The following CACNA2D3 variants were observed in gnomAD, a reference collection of about 807,000 sequenced individuals.
The protein encoded by CACNA2D3 is voltage-dependent calcium channel subunit alpha-2/delta-3.
Under a neutral mutation model 160.6 loss-of-function variants are expected in CACNA2D3, and 60 were observed. The ratio of observed to expected loss-of-function variants is 0.37; its 90% CI spans 0.30 to 0.46. The LOEUF (loss-of-function observed/expected upper bound fraction) is 0.46, where lower values mean the gene tolerates loss of function less well. CACNA2D3 is among the 20% of genes least tolerant of loss of function. The pLI, the probability that CACNA2D3 is intolerant of heterozygous loss-of-function variation, is 1.00. For missense variants in CACNA2D3, 1,205 were observed against 1,365.0 expected (o/e 0.88, Z 1.85); for synonymous variants, 558 against 492.9 (o/e 1.13, Z -1.75).
chr3:54,792,089 C>G (rs1702769132), intron 13 of CACNA2D3, among the ~76,000 whole-genome samples: 1 of 152,146 alleles, frequency 6.6e-6, no homozygotes, highest in Non-Finnish European at 1.5e-5. Flanking sequence ...CTGGTTAGTT[C>G]CCTGAATATC....
At chr3:54,707,223 ATCTAATTGGCCATGGTCCAG>A (rs1313137250) in intron 11 of CACNA2D3, among the ~76,000 whole-genome samples, 2 of 152,208 alleles carry the variant, frequency 1.3e-5, no homozygotes, top group Admixed American at 6.5e-5. Flanking sequence ...ATGAATTCAG[ATCTAATTGGCCATGGTCCAG>A]TCTAGTTCTA....
At chr3:54,965,823 T>A (rs1230279340) in intron 27 of CACNA2D3, among the ~76,000 whole-genome samples, 1 of 152,044 alleles carries the variant, frequency 6.6e-6, no homozygotes, top group African/African-American at 2.4e-5. Context: ...CCAGGAGCCT[T>A]TGGGCAACAA....
rs371907159 is a variant in CACNA2D3 at position 54,752,607 on chromosome 3, C to T, written c.1176C>T (p.Ile392=). 6.2e-7 allele frequency: 1 copy of T among 1,613,240 alleles called. No homozygotes were observed. The highest frequency in any genetic ancestry group is 8.5e-7 in the Non-Finnish European group (1 of 1,179,580). ...GTTTGTCTTCCCTTCAGGTTCGCAT[C>T]TTCACATACCTCATTGGACGAGAGG... The part of the protein sequence containing the change: ...KYNWPDRKVR[I]FTYLIGREAA... The change falls in exon 12 of 38, where the codon ATC becomes ATT. Residue 392 remains isoleucine (I), a synonymous_variant. Coordinates refer to ENST00000474759, the MANE Select transcript of CACNA2D3 (RefSeq NM_018398.3).
At chr3:54,551,172 AGACTTCTTTT>A (rs541736881) in intron 5 of CACNA2D3, among the ~76,000 whole-genome samples, 154 of 152,168 alleles carry the variant, frequency 1.0e-3, no homozygotes, top group African/African-American at 3.6e-3. Context: ...CCAGGCACTT[AGACTTCTTTT>A]GGCTCTGCCA....
chr3:54,779,646 C>G (rs1702495367), intron 13 of CACNA2D3, among the ~76,000 whole-genome samples: 1 of 152,150 alleles, frequency 6.6e-6, no homozygotes, highest in African/African-American at 2.4e-5. Flanking sequence ...AAACTTTCTC[C>G]CTCCCCTGGG....
Position 54,235,231 on chromosome 3 carries a change from A to G in CACNA2D3, c.205-85211A>G, listed in dbSNP as rs1393566104. Among the ~76,000 whole-genome samples the G allele has an allele frequency of 7.9e-5, 12 of 152,268 alleles. No individual in the cohort carries two copies. The East Asian group carries it at 2.1e-3, about 27-fold the overall frequency. On this transcript the variant is annotated intron_variant, in intron 2 of 37. Coordinates refer to ENST00000474759, the MANE Select transcript of CACNA2D3 (RefSeq NM_018398.3). Reference sequence around the variant, plus strand: ...AGAGGGACAGAGGGGTCAACTGAGAAGGATCCTGTATTAGTCCATTCTCAC... The same window carrying G: ...AGAGGGACAGAGGGGTCAACTGAGAGGGATCCTGTATTAGTCCATTCTCAC...
At chr3:54,724,417 C>T (rs1575442291) in intron 11 of CACNA2D3, among the ~76,000 whole-genome samples, 2 of 152,102 alleles carry the variant, frequency 1.3e-5, no homozygotes, top group Admixed American at 6.6e-5. Context: ...ACCAAGGGGA[C>T]CTAACAGATA....
chr3:54,525,542 T>C lies in CACNA2D3; in HGVS notation c.544+21888T>C, dbSNP rs76422147. 9.0e-3 allele frequency among the ~76,000 whole-genome samples: 1,374 copies of C among 152,316 alleles called. 27 individuals carry two copies. The highest frequency in any genetic ancestry group is 0.031 in the African/African-American group (1,300 of 41,586). ...TAAATTCTCTCAGTTTTTCTTTATCTGTTAATATCTTTATTCTATATTCAT... is the reference window on the plus strand; with the variant it reads ...TAAATTCTCTCAGTTTTTCTTTATCCGTTAATATCTTTATTCTATATTCAT... On this transcript the variant is annotated intron_variant, in intron 5 of 37. Transcript: ENST00000474759.
chr3:54,807,205 G>A (rs1264566054), intron 13 of CACNA2D3, among the ~76,000 whole-genome samples: 1 of 152,142 alleles, frequency 6.6e-6, no homozygotes, highest in East Asian at 1.9e-4. Flanking sequence ...TTGACAAATG[G>A]GATCTAACTA....
intron 3 of CACNA2D3, among the ~76,000 whole-genome samples, chr3:54,350,486 G>A (rs2107532310): frequency 6.6e-6 from 1 of 152,312 alleles, no homozygotes; most frequent in Middle Eastern, 3.4e-3. Context: ...GGGTACCACT[G>A]ACTACTTTAG....
intron 4 of CACNA2D3, among the ~76,000 whole-genome samples, chr3:54,436,823 A>G (rs1700067119): frequency 6.6e-6 from 1 of 152,158 alleles, no homozygotes; most frequent in Non-Finnish European, 1.5e-5. Context: ...CAAATATGTA[A>G]GGCATGCGGG....
At chr3:54,420,738 G>T (rs1418638534) in intron 4 of CACNA2D3, among the ~76,000 whole-genome samples, 1 of 152,194 alleles carries the variant, frequency 6.6e-6, no homozygotes, top group Non-Finnish European at 1.5e-5. Context: ...ACCCAGAGAA[G>T]TTAAATAAAT....
intron 31 of CACNA2D3, among the ~76,000 whole-genome samples, chr3:55,004,221 G>A (rs1484963192): frequency 6.6e-6 from 1 of 152,194 alleles, no homozygotes; most frequent in African/African-American, 2.4e-5. Context: ...TTATGGTGAT[G>A]ACAATAAGGA....
Position 54,453,602 on chromosome 3 carries a change from T to C in CACNA2D3, c.382-49890T>C, listed in dbSNP as rs187078055. Among the ~76,000 whole-genome samples the C allele has an allele frequency of 9.9e-5, 15 of 152,268 alleles. No homozygotes were observed. In the East Asian group the frequency reaches 2.1e-3, roughly 22 times the overall value. ...TTGGCTCTCATAAGTGAAATATTCA[T>C]GGGTAGTTCAGATTTCAGGCAGGGC... On this transcript the variant is annotated intron_variant, in intron 4 of 37. Coordinates refer to ENST00000474759, the MANE Select transcript of CACNA2D3 (RefSeq NM_018398.3).
At chr3:54,554,038 C>T (rs1052412791) in intron 5 of CACNA2D3, among the ~76,000 whole-genome samples, 6 of 152,306 alleles carry the variant, frequency 3.9e-5, no homozygotes, top group South Asian at 4.1e-4. Flanking sequence ...TAGTACCTCT[C>T]GCCAAGACAC....
intron 9 of CACNA2D3, among the ~76,000 whole-genome samples, chr3:54,618,800 G>A (rs1217316863): frequency 1.3e-5 from 2 of 152,156 alleles, no homozygotes; most frequent in Admixed American, 6.5e-5. Context: ...GAGTGCGCTG[G>A]CACCCACAGC....
intron 29 of CACNA2D3, among the ~76,000 whole-genome samples, chr3:54,978,682 A>T (rs1702444393): frequency 6.6e-6 from 1 of 152,238 alleles, no homozygotes; most frequent in Non-Finnish European, 1.5e-5. Flanking sequence ...CCAAGCTGAT[A>T]TGAGGTTGCT....
At chr3:54,312,015 C>T (rs776773151) in intron 2 of CACNA2D3, among the ~76,000 whole-genome samples, 2 of 152,166 alleles carry the variant, frequency 1.3e-5, no homozygotes, top group African/African-American at 2.4e-5. Context: ...CTTACATAAA[C>T]AAAGCAACTT....
At chr3:54,767,969 T>A (rs1702253293) in intron 13 of CACNA2D3, among the ~76,000 whole-genome samples, 1 of 152,008 alleles carries the variant, frequency 6.6e-6, no homozygotes, top group South Asian at 2.1e-4. Flanking sequence ...AAGAGTGCAG[T>A]GTATGATGGA....
Sources: gnomAD v4.1 joint callset for allele counts (sites outside exome capture counted in the v4.1 genomes callset) on GRCh38, gnomAD v4.1.1 for gene constraint, MANE v1.5 for transcripts, NCBI Gene and HGNC (gene_info 2026-07-23, HGNC 2026-07-21) for gene names.